Variants in CPNE4 observed in about 807,000 individuals in gnomAD.
CPNE4 encodes the protein copine 4, also known as copine-4.
CPNE4 carries 25 observed loss-of-function variants against 67.9 expected under a neutral mutation model. The observed-to-expected ratio is 0.37, with a 90% CI of 0.27 to 0.51. The LOEUF is 0.51. CPNE4 is among the 20% of genes least tolerant of loss of function. The pLI, the probability that CPNE4 is intolerant of heterozygous loss-of-function variation, is 0.93. For missense variants in CPNE4, 464 were observed against 690.8 expected (o/e 0.67, Z 3.68); for synonymous variants, 242 against 244.9 (o/e 0.99, Z 0.11).
At chr3:131,729,531 C>G (rs1238053510) in intron 2 of CPNE4, among the ~76,000 whole-genome samples, 1 of 152,176 alleles carries the variant, frequency 6.6e-6, no homozygotes, top group Non-Finnish European at 1.5e-5. Context: ...GTGGCTTGTT[C>G]TGTAGCTGCA....
In CPNE4 at chr3:131,542,801, C is replaced by T. The variant is rs1263025237; in HGVS notation, c.1303-8G>A. 4.6e-6 allele frequency: 7 copies of T among 1,537,330 alleles called. 1 individual carries two copies. The South Asian group carries it at 6.8e-5, about 15-fold the overall frequency. The stretch of plus-strand genomic sequence containing the variant: ...CAGCAGGATGAAGTATTGCTGCAGT[C>T]AGATGCCCCATGATGATGGGGGGGG... On this transcript the variant is annotated splice_polypyrimidine_tract_variant and splice_region_variant and intron_variant, in intron 14 of 15. Coordinates refer to ENST00000429747, the MANE Select transcript of CPNE4 (RefSeq NM_130808.3).
intron 15 of CPNE4, among the ~76,000 whole-genome samples, chr3:131,542,192 G>A (rs953413656): frequency 6.6e-6 from 1 of 152,084 alleles, no homozygotes; most frequent in African/African-American, 2.4e-5. Flanking sequence ...GCACCTTTAG[G>A]CAGGGAACAA....
chr3:131,884,709 A>T (rs1264695180), intron 2 of CPNE4, among the ~76,000 whole-genome samples: 1 of 152,054 alleles, frequency 6.6e-6, no homozygotes, highest in Non-Finnish European at 1.5e-5. Context: ...AGTTTCCTCC[A>T]TACTGTTCTC....
At chr3:131,818,444 A>G (rs1314715130) in intron 2 of CPNE4, among the ~76,000 whole-genome samples, 2 of 152,166 alleles carry the variant, frequency 1.3e-5, no homozygotes, top group Non-Finnish European at 2.9e-5. Context: ...GTATAGGATA[A>G]AGACTAATTA....
intron 1 of CPNE4, among the ~76,000 whole-genome samples, chr3:131,912,286 T>C (rs1191524154): frequency 1.3e-5 from 2 of 152,072 alleles, no homozygotes; most frequent in Admixed American, 6.6e-5. Flanking sequence ...TCTGAATGAG[T>C]TGCAAACAAC....
intron 2 of CPNE4, among the ~76,000 whole-genome samples, chr3:131,810,388 C>A (rs867060779): frequency 1.3e-5 from 2 of 151,882 alleles, no homozygotes; most frequent in African/African-American, 4.8e-5. Flanking sequence ...TCCCAAATAA[C>A]CTGATTGTAA....
intron 2 of CPNE4, among the ~76,000 whole-genome samples, chr3:131,806,015 A>G (rs1177538340): frequency 6.6e-6 from 1 of 152,216 alleles, no homozygotes; most frequent in Non-Finnish European, 1.5e-5. Flanking sequence ...CAGTCATTTT[A>G]CTTTTATTAA....
intron 2 of CPNE4, among the ~76,000 whole-genome samples, chr3:131,779,090 C>T (rs2083366012): frequency 1.3e-5 from 2 of 151,802 alleles, no homozygotes; most frequent in African/African-American, 4.8e-5. Context: ...TTCACAATAG[C>T]CACAAAAAGA....
chr3:131,645,632 C>T (rs2079645916), intron 7 of CPNE4, among the ~76,000 whole-genome samples: 1 of 152,098 alleles, frequency 6.6e-6, no homozygotes, highest in African/African-American at 2.4e-5. Flanking sequence ...ATAAAGTAAG[C>T]AATTCATTGA....
intron 7 of CPNE4, among the ~76,000 whole-genome samples, chr3:131,633,926 C>G (rs1490267098): frequency 1.3e-5 from 2 of 151,912 alleles, no homozygotes; most frequent in Non-Finnish European, 2.9e-5. Context: ...TTAAATTGTT[C>G]TACTATTGTT....
rs6439310 is a variant in CPNE4 at position 131,644,240 on chromosome 3, C to T, written c.681+25435G>A. Among the ~76,000 whole-genome samples the T allele has an allele frequency of 9.9e-3, 1,508 of 152,066 alleles. 17 individuals are homozygous for T. The highest frequency in any genetic ancestry group is 0.034 in the African/African-American group (1,426 of 41,484). ...TCGGCTCACTGCAAGATCTGTCTCC[C>T]GGGTTCAAGCCATTCTCCTGCCTCA... On this transcript the variant is annotated intron_variant, in intron 7 of 15. Coordinates refer to ENST00000429747, the MANE Select transcript of CPNE4 (RefSeq NM_130808.3).
At chr3:131,723,378 G>A (rs1362155941) in intron 3 of CPNE4, 68 bp downstream of exon 3, 2 of 1,364,784 alleles carry the variant, frequency 1.5e-6, no homozygotes, top group African/African-American at 2.9e-5. Context: ...TGAAGGAAGA[G>A]AGGGAAAGGG....
intron 6 of CPNE4, among the ~76,000 whole-genome samples, chr3:131,681,442 T>C (rs2080752355): frequency 2.0e-5 from 3 of 152,216 alleles, no homozygotes. Context: ...ACTTTAAATA[T>C]GTTACACCAC....
chr3:131,999,241 T>TAAAAAAAAAAAAAAAAAAAAAA (rs79127364), intron 1 of CPNE4, among the ~76,000 whole-genome samples: 19 of 98,806 alleles, frequency 1.9e-4, no homozygotes, highest in African/African-American at 4.8e-4. Flanking sequence ...TTATCCAAGG[T>TAAAAAAAAAAAAAAAAAAAAAA]AAAAAAAAAA....
At chr3:131,608,550 A>G (rs1939641597) in intron 7 of CPNE4, among the ~76,000 whole-genome samples, 1 of 152,120 alleles carries the variant, frequency 6.6e-6, no homozygotes, top group Non-Finnish European at 1.5e-5. Context: ...GGCACTGCAC[A>G]GTGTTGGTTA....
At chr3:131,696,153 T>C (rs1050893812) in intron 5 of CPNE4, among the ~76,000 whole-genome samples, 5 of 152,226 alleles carry the variant, frequency 3.3e-5, no homozygotes, top group African/African-American at 1.2e-4. Flanking sequence ...AATGAATAAA[T>C]GTGATACCAC....
chr3:131,741,800 A>G (rs1001013112), intron 2 of CPNE4, among the ~76,000 whole-genome samples: 1 of 152,156 alleles, frequency 6.6e-6, no homozygotes, highest in Non-Finnish European at 1.5e-5. Context: ...AAAATGCCAG[A>G]TGCTCACTAT....
At chr3:131,576,782 A>G (rs1448787909) in intron 9 of CPNE4, among the ~76,000 whole-genome samples, 5 of 151,896 alleles carry the variant, frequency 3.3e-5, no homozygotes, top group Non-Finnish European at 7.4e-5. Context: ...CAGGCCTAGG[A>G]TTGGATAGTT....
intron 2 of CPNE4, among the ~76,000 whole-genome samples, chr3:131,858,814 T>C (rs1027191412): frequency 1.3e-5 from 2 of 152,084 alleles, no homozygotes; most frequent in Non-Finnish European, 2.9e-5. Context: ...AAAATCAATC[T>C]TTACAAAATT....
Sources: allele counts gnomAD v4.1 joint callset (sites outside exome capture counted in the v4.1 genomes callset), GRCh38; gene constraint gnomAD v4.1.1; transcripts MANE v1.5; gene names NCBI Gene and HGNC (gene_info 2026-07-23, HGNC 2026-07-21).